Variants in ROBO2 observed in about 807,000 individuals in gnomAD.
The protein encoded by ROBO2 is roundabout homolog 2.
Under a neutral mutation model 160.8 loss-of-function variants are expected in ROBO2, and 53 were observed. The observed-to-expected ratio is 0.33, with a 90% CI of 0.26 to 0.41. ROBO2 has a LOEUF of 0.41. ROBO2 is among the 10% of genes least tolerant of loss of function. The probability of loss-of-function intolerance (pLI) is 1.00; values close to 1 mark genes in which losing one functional copy is unlikely to be tolerated. For synonymous variants in ROBO2, 664 were observed against 611.7 expected (o/e 1.09, Z -1.26); for missense variants, 1,577 against 1,722.4 (o/e 0.92, Z 1.49).
chr3:76,396,128 T>C (rs1005155054), intron 2 of ROBO2, among the ~76,000 whole-genome samples: 2 of 152,124 alleles, frequency 1.3e-5, no homozygotes, highest in South Asian at 2.1e-4. Context: ...TCCACCATGA[T>C]CAAGTGGGCT....
chr3:77,240,417 G>A (rs976370898), intron 2 of ROBO2, among the ~76,000 whole-genome samples: 3 of 152,140 alleles, frequency 2.0e-5, no homozygotes, highest in African/African-American at 4.8e-5. Flanking sequence ...CGGAACTCAC[G>A]CTGGCCTGCG....
chr3:77,502,368 A>T (rs115231302), intron 5 of ROBO2, among the ~76,000 whole-genome samples: 2,702 of 152,298 alleles, frequency 0.018, 76 homozygotes, highest in African/African-American at 0.06. Context: ...CTTATTTCCC[A>T]TAATATATGT....
rs1451193202 is a variant in ROBO2, at chr3:77,041,500, GT to G, written c.61+655del. Among the ~76,000 whole-genome samples, 3 of 152,160 alleles carry G rather than the reference GT, an allele frequency of 2.0e-5. No homozygotes were observed. In the East Asian group the frequency reaches 5.8e-4, roughly 29 times the overall value. ...CAAACACAATGGGGACCTTAAACAG[GT>G]GCTGGAGGTGTCTCCCTCTAGGTTG... is the stretch of plus-strand genomic sequence containing the variant. On this transcript the variant is annotated intron_variant, in intron 1 of 25. Transcript: ENST00000461745.
chr3:76,488,179 A>G (rs2079604787), intron 2 of ROBO2, among the ~76,000 whole-genome samples: 1 of 152,182 alleles, frequency 6.6e-6, no homozygotes, highest in South Asian at 2.1e-4. Flanking sequence ...GAAAATGCAA[A>G]TGTATGACCT....
chr3:76,033,566 G>A (rs1368155133), intron 2 of ROBO2, among the ~76,000 whole-genome samples: 4 of 152,180 alleles, frequency 2.6e-5, no homozygotes, highest in Admixed American at 1.3e-4. Context: ...TTAGCAATAA[G>A]CATTTTACTA....
chr3:76,492,323 C>T (rs1280415900), intron 2 of ROBO2, among the ~76,000 whole-genome samples: 2 of 152,052 alleles, frequency 1.3e-5, no homozygotes, highest in Non-Finnish European at 2.9e-5. Context: ...TCAAAACAAT[C>T]TGCCTGGTAT....
intron 2 of ROBO2, among the ~76,000 whole-genome samples, chr3:76,273,149 A>T (rs1379797216): frequency 7.7e-6 from 1 of 130,104 alleles, no homozygotes; most frequent in African/African-American, 2.9e-5. Flanking sequence ...ATATATATAC[A>T]CATTTCTATT....
At chr3:76,645,941 CTG>C (rs2090947485) in intron 2 of ROBO2, among the ~76,000 whole-genome samples, 1 of 152,210 alleles carries the variant, frequency 6.6e-6, no homozygotes, top group Non-Finnish European at 1.5e-5. Flanking sequence ...AAAAAAGACA[CTG>C]TGTCTTGTTT....
At chr3:77,118,605 C>T (rs980023686) in intron 2 of ROBO2, among the ~76,000 whole-genome samples, 7 of 152,258 alleles carry the variant, frequency 4.6e-5, no homozygotes, top group South Asian at 2.1e-4. Flanking sequence ...TTTTACTCTA[C>T]GCCATTGACT....
intron 5 of ROBO2, among the ~76,000 whole-genome samples, chr3:77,515,035 T>G (rs1291661651): frequency 2.0e-5 from 3 of 151,782 alleles, no homozygotes; most frequent in Admixed American, 6.6e-5. Flanking sequence ...TGCCTACATG[T>G]GAAATTAGTA....
chr3:76,361,174 G>C (rs2075496265), intron 2 of ROBO2, among the ~76,000 whole-genome samples: 1 of 152,000 alleles, frequency 6.6e-6, no homozygotes, highest in East Asian at 1.9e-4. Context: ...AGTCTAAAGT[G>C]GGCCCTGACA....
At chr3:77,551,941 G>A (rs1314245318) in intron 8 of ROBO2, among the ~76,000 whole-genome samples, 2 of 151,948 alleles carry the variant, frequency 1.3e-5, no homozygotes, top group Non-Finnish European at 2.9e-5. Context: ...GACATGTCAG[G>A]AATGGGAATA....
intron 2 of ROBO2, among the ~76,000 whole-genome samples, chr3:76,613,327 C>T (rs1219446792): frequency 6.6e-6 from 1 of 152,012 alleles, no homozygotes; most frequent in Non-Finnish European, 1.5e-5. Context: ...TTTTGTGTGT[C>T]TGAATCTCTC....
chr3:77,051,905 A>G (rs894869200), intron 1 of ROBO2, among the ~76,000 whole-genome samples: 4 of 152,242 alleles, frequency 2.6e-5, no homozygotes, highest in African/African-American at 7.2e-5. Context: ...ACTATACAGC[A>G]AGCGGACACG....
At chr3:77,001,581 A>C (rs1338538133) in intron 2 of ROBO2, among the ~76,000 whole-genome samples, 1 of 152,150 alleles carries the variant, frequency 6.6e-6, no homozygotes, top group East Asian at 1.9e-4. Context: ...CTAAATGATG[A>C]AAATTGTAAC....
chr3:76,529,765 C>G (rs74626024), intron 2 of ROBO2, among the ~76,000 whole-genome samples: 6 of 152,042 alleles, frequency 3.9e-5, no homozygotes, highest in Non-Finnish European at 7.4e-5. Flanking sequence ...CAGTTAAATC[C>G]GTCCGTTCAA....
intron 2 of ROBO2, among the ~76,000 whole-genome samples, chr3:77,304,850 G>T (rs183801430): frequency 1.3e-5 from 2 of 152,220 alleles, no homozygotes; most frequent in Admixed American, 1.3e-4. Context: ...GAGTAAATTT[G>T]TCTGTGACGT....
intron 2 of ROBO2, among the ~76,000 whole-genome samples, chr3:76,845,245 T>G (rs2068667732): frequency 6.6e-6 from 1 of 152,106 alleles, no homozygotes; most frequent in Admixed American, 6.6e-5. Context: ...AAAATTCAGA[T>G]GCAATTTAGT....
At chr3:77,635,040 G>T (rs756233029) in exon 24 of ROBO2, 1 of 1,614,144 alleles carries the variant, frequency 6.2e-7, no homozygotes, top group Non-Finnish European at 8.5e-7. Context: ...AGGAATGACA[G>T]ATGGTAGGTT....
Sources: gnomAD v4.1 joint callset for allele counts (sites outside exome capture counted in the v4.1 genomes callset) on GRCh38, gnomAD v4.1.1 for gene constraint, MANE v1.5 for transcripts, NCBI Gene and HGNC (gene_info 2026-07-23, HGNC 2026-07-21) for gene names.